The following PCDH11X variants were observed in gnomAD, a reference collection of about 807,000 sequenced individuals.
PCDH11X encodes protocadherin-11 X-linked.
PCDH11X carries 18 observed loss-of-function variants against 53.3 expected under a neutral mutation model. The observed-to-expected ratio is 0.34, with a 90% CI of 0.23 to 0.50. PCDH11X has a LOEUF of 0.50. PCDH11X is among the 20% of genes least tolerant of loss of function. The pLI, the probability that PCDH11X is intolerant of heterozygous loss-of-function variation, is 0.98. For missense variants in PCDH11X, 570 were observed against 1,032.4 expected (o/e 0.55, Z 6.14); for synonymous variants, 279 against 393.3 (o/e 0.71, Z 3.44).
chrX:92,007,385 AC>A (rs886191924), intron 6 of PCDH11X, among the ~76,000 whole-genome samples: 4 of 111,545 alleles, frequency 3.6e-5, no homozygotes, highest in African/African-American at 1.3e-4. Context: ...CGCCATAGCC[AC>A]CACCACCTCA....
chrX:91,968,193 T>A, intron 6 of PCDH11X, among the ~76,000 whole-genome samples: 1 of 112,236 alleles, frequency 8.9e-6, no homozygotes. Context: ...CATAGTAGGT[T>A]TTTTTTCTGC....
chrX:91,928,991 G>T (rs1230294518), intron 6 of PCDH11X, among the ~76,000 whole-genome samples: 1 of 110,574 alleles, frequency 9.0e-6, no homozygotes, highest in Non-Finnish European at 1.9e-5. Context: ...AGATGTCTTA[G>T]GAGCTTTGTA....
At chrX:91,895,552 AT>A (rs1465091223) in intron 6 of PCDH11X, among the ~76,000 whole-genome samples, 1 of 110,457 alleles carries the variant, frequency 9.1e-6, no homozygotes, top group Non-Finnish European at 1.9e-5. Flanking sequence ...ACAAGTTATC[AT>A]TTCTGAAGGT....
chrX:92,300,958 T>A (rs921969895), intron 8 of PCDH11X, among the ~76,000 whole-genome samples: 2 of 111,852 alleles, frequency 1.8e-5, no homozygotes, highest in Non-Finnish European at 3.8e-5. Context: ...TGTTGGGCAA[T>A]GGCACAGTAG....
At chrX:92,247,935 AC>A (rs2067381896) in intron 7 of PCDH11X, among the ~76,000 whole-genome samples, 1 of 112,027 alleles carries the variant, frequency 8.9e-6, no homozygotes, top group Non-Finnish European at 1.9e-5. Flanking sequence ...GTGAAACCTG[AC>A]AACAATTTAG....
chrX:92,115,312 T>C (rs2064616423), intron 6 of PCDH11X, among the ~76,000 whole-genome samples: 1 of 110,720 alleles, frequency 9.0e-6, no homozygotes, highest in Non-Finnish European at 1.9e-5. Context: ...CACATATTTA[T>C]TGTGAGGTAC....
chrX:92,104,988 A>T (rs2064345697), intron 6 of PCDH11X, among the ~76,000 whole-genome samples: 1 of 111,252 alleles, frequency 9.0e-6, no homozygotes, highest in African/African-American at 3.3e-5. Context: ...GAGACTTGCC[A>T]CCAAGGGTGA....
chrX:91,882,197 G>A (rs1173134388), intron 6 of PCDH11X, among the ~76,000 whole-genome samples: 3 of 110,845 alleles, frequency 2.7e-5, no homozygotes, highest in African/African-American at 6.5e-5. Flanking sequence ...TTTGGCATAC[G>A]TTTCTACATG....
intron 8 of PCDH11X, among the ~76,000 whole-genome samples, chrX:92,293,909 G>C (rs1169281522): frequency 1.8e-5 from 2 of 108,276 alleles, no homozygotes; most frequent in Non-Finnish European, 3.8e-5. Flanking sequence ...TCCTGGGTCA[G>C]AGAAAAGACA....
At chrX:92,113,723 G>A (rs1272682027) in intron 6 of PCDH11X, 39 of 1,199,401 alleles carry the variant, frequency 3.3e-5, no homozygotes, top group Admixed American at 8.8e-5. Flanking sequence ...TAGAATTGGC[G>A]GATACCCTCC....
intron 10 of PCDH11X, among the ~76,000 whole-genome samples, chrX:92,537,137 G>T (rs2074673111): frequency 1.8e-5 from 2 of 110,051 alleles, no homozygotes; most frequent in Admixed American, 1.9e-4. Flanking sequence ...CTCCCATTTT[G>T]TGAGTTGTCT....
At chrX:92,441,818 C>A (rs2072521869) in intron 9 of PCDH11X, among the ~76,000 whole-genome samples, 1 of 110,887 alleles carries the variant, frequency 9.0e-6, no homozygotes, top group Non-Finnish European at 1.9e-5. Context: ...GTCCTTCAGA[C>A]CTTAGAATGG....
intron 6 of PCDH11X, among the ~76,000 whole-genome samples, chrX:92,118,316 A>C (rs969742953): frequency 1.8e-5 from 2 of 108,495 alleles, no homozygotes; most frequent in African/African-American, 3.4e-5. Flanking sequence ...AGACATCAGG[A>C]AAAAAAGATG....
intron 7 of PCDH11X, among the ~76,000 whole-genome samples, chrX:92,202,817 C>T (rs2066414120): frequency 9.2e-6 from 1 of 109,147 alleles, no homozygotes; most frequent in Admixed American, 9.8e-5. Flanking sequence ...GTCAAGAGAT[C>T]GAGACCATCC....
intron 7 of PCDH11X, among the ~76,000 whole-genome samples, chrX:92,241,555 C>T (rs2067262467): frequency 9.0e-6 from 1 of 111,483 alleles, no homozygotes; most frequent in African/African-American, 3.3e-5. Flanking sequence ...CTTGTCATTT[C>T]TTTAAAGCCC....
chrX:92,115,199 C>A (rs2064612633), intron 6 of PCDH11X, among the ~76,000 whole-genome samples: 1 of 110,610 alleles, frequency 9.0e-6, no homozygotes, highest in South Asian at 3.9e-4. Context: ...TCTCCAATAC[C>A]AATTATCATT....
intron 6 of PCDH11X, among the ~76,000 whole-genome samples, chrX:92,167,744 G>A (rs947839976): frequency 5.4e-5 from 6 of 111,139 alleles, no homozygotes; most frequent in African/African-American, 2.0e-4. Context: ...TAAAACTGAG[G>A]GAATCGGCAA....
chrX:91,791,878 T>A (rs1362459383), intron 1 of PCDH11X, among the ~76,000 whole-genome samples: 1 of 100,215 alleles, frequency 1.0e-5, no homozygotes, highest in African/African-American at 3.8e-5. Context: ...TTTTTTTTTT[T>A]TGAGACGGAG....
At chrX:92,141,687 A>G (rs1395659699) in intron 6 of PCDH11X, among the ~76,000 whole-genome samples, 3 of 111,765 alleles carry the variant, frequency 2.7e-5, no homozygotes, top group African/African-American at 9.7e-5. Context: ...TAACCAATTA[A>G]CGATGCTTAT....
Sources: gnomAD v4.1 joint callset for allele counts (sites outside exome capture counted in the v4.1 genomes callset) on GRCh38, gnomAD v4.1.1 for gene constraint, MANE v1.5 for transcripts, NCBI Gene and HGNC (gene_info 2026-07-23, HGNC 2026-07-21) for gene names.